Variants in MCC observed in about 807,000 individuals in gnomAD.
MCC encodes the protein colorectal mutant cancer protein.
In MCC, 90 loss-of-function variants were observed where a neutral mutation model predicts 116.2. That is an observed-to-expected ratio of 0.77 (90% confidence interval 0.65 to 0.92). The LOEUF is 0.92. Ranked by LOEUF, MCC falls within the 40% of genes least tolerant of loss-of-function variation. The pLI, the probability that MCC is intolerant of heterozygous loss-of-function variation, is 0.00. For synonymous variants in MCC, 578 were observed against 510.5 expected (o/e 1.13, Z -1.78); for missense variants, 1,516 against 1,312.2 (o/e 1.16, Z -2.40).
intron 3 of MCC, among the ~76,000 whole-genome samples, chr5:113,319,298 C>G (rs947607989): frequency 6.6e-6 from 1 of 152,198 alleles, no homozygotes; most frequent in Admixed American, 6.5e-5. Flanking sequence ...CCGGCCTTTT[C>G]CTTGTAAAGA....
intron 11 of MCC, among the ~76,000 whole-genome samples, chr5:113,081,286 T>C (rs914630996): frequency 1.3e-5 from 2 of 152,198 alleles, no homozygotes; most frequent in Non-Finnish European, 2.9e-5. Flanking sequence ...AGCTACTTAA[T>C]AGCTCTGGAT....
chr5:113,478,159 G>C (rs1050882473), intron 1 of MCC, among the ~76,000 whole-genome samples: 2 of 152,180 alleles, frequency 1.3e-5, no homozygotes, highest in Admixed American at 1.3e-4. Context: ...AGAGCCTAGA[G>C]GGAACCCAAC....
intron 1 of MCC, among the ~76,000 whole-genome samples, chr5:113,446,950 A>G (rs1023884897): frequency 1.3e-5 from 2 of 152,236 alleles, no homozygotes; most frequent in Middle Eastern, 3.4e-3. Flanking sequence ...ATCTAAAATA[A>G]AAGTTAAAAT....
chr5:113,416,859 A>C (rs188156921), intron 1 of MCC, among the ~76,000 whole-genome samples: 1 of 152,190 alleles, frequency 6.6e-6, no homozygotes, highest in Non-Finnish European at 1.5e-5. Flanking sequence ...AAATATAATG[A>C]CAATTATTTT....
At chr5:113,311,174 G>C (rs550357989) in intron 3 of MCC, among the ~76,000 whole-genome samples, 22 of 152,272 alleles carry the variant, frequency 1.4e-4, no homozygotes, top group African/African-American at 5.3e-4. Flanking sequence ...GTTAAACTTA[G>C]AGTCAGTTTG....
At chr5:113,244,802 C>T (rs1764508787) in intron 3 of MCC, among the ~76,000 whole-genome samples, 1 of 152,180 alleles carries the variant, frequency 6.6e-6, no homozygotes, top group African/African-American at 2.4e-5. Context: ...TTACTACTAT[C>T]CTCCAAGCAC....
At chr5:113,316,594 C>T (rs1767291058) in intron 3 of MCC, among the ~76,000 whole-genome samples, 1 of 152,190 alleles carries the variant, frequency 6.6e-6, no homozygotes, top group Admixed American at 6.6e-5. Flanking sequence ...CACATCTAAT[C>T]TGCAATCTCT....
chr5:113,432,240 C>G (rs1227292787), intron 1 of MCC, among the ~76,000 whole-genome samples: 1 of 150,338 alleles, frequency 6.7e-6, no homozygotes, highest in African/African-American at 2.5e-5. Context: ...ATTGCTTAAC[C>G]CAGAACCGGG....
At position 113,101,940 on chromosome 5, in the gene MCC, G is replaced by C. The variant is rs148008560; in HGVS notation, c.1197C>G (p.Val399=). Residue 399 remains valine (V), a synonymous_variant, in exon 8 of 19, where the codon GTC becomes GTG. Coordinates refer to ENST00000408903, the MANE Select transcript of MCC (RefSeq NM_001085377.2). ...GGCCAAGCACCCCCTCAATCTCCTC[G>C]ACTGTCTGTAAAACACAGCCCCAAA... ...SEHCDLAIKT[V]EEIEGVLGRD... is the part of the protein sequence containing the mutation. 1 of 1,613,508 alleles carries C rather than the reference G, an allele frequency of 6.2e-7. No individual in the cohort carries two copies. The highest frequency in any genetic ancestry group is 1.1e-5 in the South Asian group (1 of 91,054).
At chr5:113,436,866 T>C (rs1276610162) in intron 1 of MCC, 1 of 152,254 alleles carries the variant, frequency 6.6e-6, no homozygotes, top group Non-Finnish European at 1.5e-5. Flanking sequence ...CAGAAAATCT[T>C]TGAATCCACA....
At chr5:113,180,027 C>T (rs1408900149) in intron 3 of MCC, among the ~76,000 whole-genome samples, 1 of 152,150 alleles carries the variant, frequency 6.6e-6, no homozygotes, top group African/African-American at 2.4e-5. Context: ...GATTTCTATT[C>T]TCACCCCAGA....
At chr5:113,461,921 A>C (rs2150425907) in intron 1 of MCC, among the ~76,000 whole-genome samples, 1 of 152,262 alleles carries the variant, frequency 6.6e-6, no homozygotes, top group Non-Finnish European at 1.5e-5. Context: ...CAGGAGTGAC[A>C]ATTTGCTAAA....
chr5:113,085,053 C>T (rs1755109691), intron 9 of MCC, 111 bp downstream of exon 9: 1 of 1,463,476 alleles, frequency 6.8e-7, no homozygotes, highest in African/African-American at 1.4e-5. Flanking sequence ...CAGGGGAAGC[C>T]CCTTGTGCTG....
chr5:113,068,338 C>T (rs1753771144), intron 12 of MCC, among the ~76,000 whole-genome samples, 155 bp from the exon 13 acceptor site: 1 of 152,234 alleles, frequency 6.6e-6, no homozygotes, highest in South Asian at 2.1e-4. Flanking sequence ...CAGGGCAGGG[C>T]CAGTGGCTTG....
intron 14 of MCC, among the ~76,000 whole-genome samples, chr5:113,062,984 G>T (rs966998548): frequency 4.6e-5 from 7 of 152,204 alleles, no homozygotes; most frequent in African/African-American, 1.7e-4. Flanking sequence ...AGTAGACACT[G>T]TTTTGTTATG....
chr5:113,370,014 C>G (rs189497322), intron 2 of MCC, among the ~76,000 whole-genome samples: 1 of 152,212 alleles, frequency 6.6e-6, no homozygotes, highest in Admixed American at 6.5e-5. Flanking sequence ...AAAACAAGAA[C>G]AAAAGTATTT....
In MCC at chr5:113,025,113, T is replaced by C. The variant is rs1750442716; in HGVS notation, c.*2189A>G. The C allele has an allele frequency of 6.6e-6, 1 of 152,092 alleles. No homozygotes were observed. The allele number at this position is 152,092 out of a possible 1,614,324, so 9.4% of individuals were successfully genotyped here. On this transcript the variant is annotated 3_prime_UTR_variant, in exon 19 of 19. Transcript: ENST00000408903. ...GGATTTTATTCCTGCTTCAGCCACA[T>C]GTTTCTGTGTCAGTGAAAATGAAAA...
At chr5:113,032,796 G>A (rs1256781276) in intron 17 of MCC, among the ~76,000 whole-genome samples, 1 of 152,194 alleles carries the variant, frequency 6.6e-6, no homozygotes, top group Non-Finnish European at 1.5e-5. Flanking sequence ...TTGCAGTAAA[G>A]AAGCCAGCCA....
chr5:113,072,615 T>A (rs1186184952), intron 11 of MCC, among the ~76,000 whole-genome samples: 1 of 152,200 alleles, frequency 6.6e-6, no homozygotes, highest in Non-Finnish European at 1.5e-5. Flanking sequence ...GTTTTCTTCC[T>A]GCCCTAGCGG....
Sources: gnomAD v4.1 joint callset for allele counts (sites outside exome capture counted in the v4.1 genomes callset) on GRCh38, gnomAD v4.1.1 for gene constraint, MANE v1.5 for transcripts, NCBI Gene and HGNC (gene_info 2026-07-23, HGNC 2026-07-21) for gene names.